Variants in FSIP1 observed in about 807,000 individuals in gnomAD.
FSIP1 encodes fibrous sheath interacting protein 1, also known as fibrous sheath-interacting protein 1.
A neutral mutation model predicts 60.9 loss-of-function variants in FSIP1; 65 were observed. That is an observed-to-expected ratio of 1.07 (90% confidence interval 0.87 to 1.31). The LOEUF is 1.31. FSIP1 is among the 40% of genes most tolerant of loss of function. FSIP1 has a pLI of 0.00. For missense variants in FSIP1, 675 were observed against 665.5 expected, an observed-to-expected ratio of 1.01 and a Z score of -0.16; for synonymous variants, 209 against 221.2, an observed-to-expected ratio of 0.94 and a Z score of 0.49.
At chr15:39,632,307 G>A (rs935465677) in intron 10 of FSIP1, among the ~76,000 whole-genome samples, 1 of 152,046 alleles carries the variant, frequency 6.6e-6, no homozygotes, top group Non-Finnish European at 1.5e-5. Flanking sequence ...CTCCCAAGTA[G>A]CTGGGACTAC....
At chr15:39,651,828 G>A (rs573000549) in intron 10 of FSIP1, among the ~76,000 whole-genome samples, 5 of 152,286 alleles carry the variant, frequency 3.3e-5, no homozygotes, top group South Asian at 2.1e-4. Context: ...CCATAAAATC[G>A]TGTGGTCTCT....
intron 10 of FSIP1, among the ~76,000 whole-genome samples, chr15:39,639,059 A>C (rs1430207421): frequency 6.6e-6 from 1 of 152,244 alleles, no homozygotes; most frequent in East Asian, 1.9e-4. Context: ...CAGAAGTAAT[A>C]CTAAAAGCAA....
At chr15:39,623,668 C>CA (rs1891529819) in intron 10 of FSIP1, among the ~76,000 whole-genome samples, 1 of 151,884 alleles carries the variant, frequency 6.6e-6, no homozygotes, top group African/African-American at 2.4e-5. Flanking sequence ...ACCCTTATGT[C>CA]AAAAAAAGAG....
rs1294717082 is a variant in FSIP1 at position 39,726,574 on chromosome 15, G to A, written c.1050+15C>T. On this transcript the variant is annotated intron_variant, in intron 9 of 11. Transcript: ENST00000350221. Reference sequence around the variant, plus strand: ...GCACACATTAACTTGAACAGTCTATGGGTTCTTCAAATACCTGATTATTCC... The same window carrying A: ...GCACACATTAACTTGAACAGTCTATAGGTTCTTCAAATACCTGATTATTCC... 1 of 1,613,186 alleles carries A rather than the reference G, an allele frequency of 6.2e-7. No individual in the cohort carries two copies. Among genetic ancestry groups the A allele is most frequent in the South Asian group, 1.1e-5 (1 of 91,044 alleles).
intron 1 of FSIP1, among the ~76,000 whole-genome samples, chr15:39,778,238 G>C (rs1019541072): frequency 1.3e-5 from 2 of 152,172 alleles, no homozygotes; most frequent in Admixed American, 6.6e-5. Flanking sequence ...AGCCTGTCAA[G>C]GGAGACTTAT....
chr15:39,647,391 G>T (rs1170749693), intron 10 of FSIP1, among the ~76,000 whole-genome samples: 2 of 151,866 alleles, frequency 1.3e-5, no homozygotes, highest in African/African-American at 2.4e-5. Flanking sequence ...TAAAAAAGTG[G>T]TTTTTTTGGT....
chr15:39,697,786 T>C (rs1241512951), intron 10 of FSIP1, among the ~76,000 whole-genome samples: 1 of 152,182 alleles, frequency 6.6e-6, no homozygotes, highest in South Asian at 2.1e-4. Flanking sequence ...ACACATATGG[T>C]TTCAATAAAT....
At chr15:39,680,617 G>GAA (rs1222244738) in intron 10 of FSIP1, among the ~76,000 whole-genome samples, 1 of 152,194 alleles carries the variant, frequency 6.6e-6, no homozygotes, top group Non-Finnish European at 1.5e-5. Flanking sequence ...GAGCATCAAG[G>GAA]TACAAGGAGC....
chr15:39,639,185 T>C (rs1206552921), intron 10 of FSIP1, among the ~76,000 whole-genome samples: 1 of 152,208 alleles, frequency 6.6e-6, no homozygotes, highest in African/African-American at 2.4e-5. Context: ...TTTTGCTTTT[T>C]TCTGAGGCTA....
At chr15:39,764,553 G>C (rs1897616597) in intron 4 of FSIP1, among the ~76,000 whole-genome samples, 1 of 152,156 alleles carries the variant, frequency 6.6e-6, no homozygotes, top group African/African-American at 2.4e-5. Flanking sequence ...TTATGACAAG[G>C]TTCCTTACCT....
At chr15:39,696,960 T>C (rs988536437) in intron 10 of FSIP1, among the ~76,000 whole-genome samples, 1 of 150,372 alleles carries the variant, frequency 6.7e-6, no homozygotes, top group Admixed American at 6.6e-5. Context: ...TTGGGGTATG[T>C]GTGAATAGGG....
chr15:39,694,757 G>A (rs1465313187), intron 10 of FSIP1, among the ~76,000 whole-genome samples: 2 of 151,420 alleles, frequency 1.3e-5, no homozygotes, highest in African/African-American at 4.9e-5. Context: ...CCGAGATCAC[G>A]CCACTACACT....
intron 10 of FSIP1, among the ~76,000 whole-genome samples, chr15:39,620,726 G>A (rs889337299): frequency 2.0e-5 from 3 of 149,528 alleles, no homozygotes; most frequent in African/African-American, 7.4e-5. Flanking sequence ...CCGGTAGCTG[G>A]AATTATAGGC....
chr15:39,698,728 C>T (rs1894928871), intron 10 of FSIP1, among the ~76,000 whole-genome samples: 1 of 152,154 alleles, frequency 6.6e-6, no homozygotes, highest in Non-Finnish European at 1.5e-5. Flanking sequence ...AACTCGCTTC[C>T]CACAGGGCAA....
At chr15:39,732,619 CAA>C (rs56106819) in intron 8 of FSIP1, among the ~76,000 whole-genome samples, 290 of 80,116 alleles carry the variant, frequency 3.6e-3, no homozygotes, top group African/African-American at 0.011. Context: ...AACTCCATCT[CAA>C]AAAAAAAAAA....
At chr15:39,769,005 C>G (rs1397097625) in intron 3 of FSIP1, among the ~76,000 whole-genome samples, 1 of 152,164 alleles carries the variant, frequency 6.6e-6, no homozygotes, top group Non-Finnish European at 1.5e-5. Context: ...AAGGGCCGGG[C>G]GCGGTGGCTC....
intron 8 of FSIP1, among the ~76,000 whole-genome samples, chr15:39,730,105 A>G (rs1206904559): frequency 1.7e-5 from 2 of 116,286 alleles, no homozygotes; most frequent in Non-Finnish European, 3.9e-5. Flanking sequence ...GCCTTACCAG[A>G]AAAAAAAAAA....
intron 10 of FSIP1, among the ~76,000 whole-genome samples, chr15:39,657,194 A>T (rs778868134): frequency 1.6e-4 from 25 of 152,220 alleles, no homozygotes; most frequent in Non-Finnish European, 1.2e-4. Flanking sequence ...CATGTGAGAG[A>T]CCTCACTTAA....
chr15:39,617,672 A>C, intron 11 of FSIP1, 63 bp downstream of exon 11: 1 of 1,397,544 alleles, frequency 7.2e-7, no homozygotes, highest in Non-Finnish European at 9.8e-7. Flanking sequence ...TTAAACCATA[A>C]TACCTTTATA....
Sources: gnomAD v4.1 joint callset for allele counts (sites outside exome capture counted in the v4.1 genomes callset) on GRCh38, gnomAD v4.1.1 for gene constraint, MANE v1.5 for transcripts, NCBI Gene and HGNC (gene_info 2026-07-23, HGNC 2026-07-21) for gene names.